Variants in PAK5 observed in about 807,000 individuals in gnomAD.
PAK5 encodes the protein p21 (RAC1) activated kinase 5.
A neutral mutation model predicts 65.9 loss-of-function variants in PAK5; 16 were observed. That is an observed-to-expected ratio of 0.24 (90% CI 0.16 to 0.37). The LOEUF (loss-of-function observed/expected upper bound fraction) is 0.37, where lower values mean the gene tolerates loss of function less well. Among genes scored for constraint, PAK5 ranks in the 10% least tolerant of loss-of-function variants. The pLI, the probability that PAK5 is intolerant of heterozygous loss-of-function variation, is 1.00. For missense variants in PAK5, 785 were observed against 903.9 expected (o/e 0.87, Z 1.69); for synonymous variants, 371 against 354.9 (o/e 1.05, Z -0.51).
chr20:9,634,045 C>A (rs767967986), intron 3 of PAK5, among the ~76,000 whole-genome samples: 2 of 152,060 alleles, frequency 1.3e-5, no homozygotes, highest in African/African-American at 4.8e-5. Flanking sequence ...TTCTAATAAT[C>A]CTTGGCAGGA....
At chr20:9,753,162 G>A (rs1466303801) in intron 1 of PAK5, among the ~76,000 whole-genome samples, 1 of 152,158 alleles carries the variant, frequency 6.6e-6, no homozygotes, top group Admixed American at 6.6e-5. Flanking sequence ...ACGACCTGGA[G>A]ACCAATAAGT....
intron 2 of PAK5, 40 bp from the exon 3 acceptor site, chr20:9,644,379 T>G: frequency 2.2e-6 from 3 of 1,364,186 alleles, no homozygotes; most frequent in Non-Finnish European, 3.1e-6. Flanking sequence ...CATTTATATC[T>G]TGCCAGCAGA....
At chr20:9,717,914 T>C (rs12624927) in intron 1 of PAK5, among the ~76,000 whole-genome samples, 59,002 of 152,044 alleles carry the variant, frequency 0.39, 11,547 homozygotes, top group South Asian at 0.52. Context: ...GCCACAGCGC[T>C]CGGCCGCCAT....
intron 4 of PAK5, among the ~76,000 whole-genome samples, 154 bp downstream of exon 4, chr20:9,579,991 G>A (rs919886784): frequency 7.2e-5 from 11 of 152,086 alleles, no homozygotes; most frequent in African/African-American, 1.9e-4. Flanking sequence ...TCTGCCCTGG[G>A]GCCTCACAAG....
At chr20:9,684,206 A>C (rs6039546) in intron 2 of PAK5, among the ~76,000 whole-genome samples, 83,570 of 152,072 alleles carry the variant, frequency 0.55, 25,492 homozygotes, top group African/African-American at 0.84. Flanking sequence ...TTGTTAGGAG[A>C]ACACTGACTC....
intron 1 of PAK5, among the ~76,000 whole-genome samples, chr20:9,803,921 A>G (rs1372674849): frequency 6.6e-6 from 1 of 152,188 alleles, no homozygotes; most frequent in Non-Finnish European, 1.5e-5. Flanking sequence ...TCTCAGTGGC[A>G]TAAAAGTAAA....
intron 1 of PAK5, among the ~76,000 whole-genome samples, chr20:9,722,806 G>C (rs374848435): frequency 8.5e-4 from 128 of 150,990 alleles, no homozygotes; most frequent in African/African-American, 2.9e-3. Context: ...GCGCCATCTC[G>C]ACTCATTGCA....
intron 3 of PAK5, among the ~76,000 whole-genome samples, chr20:9,617,039 A>G (rs570411165): frequency 1.3e-5 from 2 of 152,366 alleles, no homozygotes; most frequent in East Asian, 1.9e-4. Flanking sequence ...CTGAGTCCAG[A>G]AAAATGCCAA....
At chr20:9,746,503 C>T (rs1319307019) in intron 1 of PAK5, among the ~76,000 whole-genome samples, 1 of 152,104 alleles carries the variant, frequency 6.6e-6, no homozygotes, top group Non-Finnish European at 1.5e-5. Flanking sequence ...TGAATATTGG[C>T]ATATTTGGAC....
rs542755540 is a variant in PAK5 at position 9,817,679 on chromosome 20, G to A, written c.-162+21083C>T. 3.9e-5 allele frequency among the ~76,000 whole-genome samples: 6 copies of A among 152,242 alleles called. 1 individual carries two copies. Among genetic ancestry groups the A allele is most frequent in the Admixed American group, 3.9e-4 (6 of 15,286 alleles). On this transcript the variant is annotated intron_variant, in intron 1 of 9. Transcript: ENST00000353224. ...CCTAATAATATTTTTTTAATGCTTAGGAAATCAGTGCTTAGAGAAACTAAT... is the reference window on the plus strand; with the variant it reads ...CCTAATAATATTTTTTTAATGCTTAAGAAATCAGTGCTTAGAGAAACTAAT...
chr20:9,647,972 T>C (rs1022911309), intron 2 of PAK5, among the ~76,000 whole-genome samples: 2 of 152,180 alleles, frequency 1.3e-5, no homozygotes, highest in Non-Finnish European at 2.9e-5. Context: ...GGACGCCTAG[T>C]AGGGAAGTGA....
At chr20:9,833,340 C>T (rs1156273773) in intron 1 of PAK5, among the ~76,000 whole-genome samples, 2 of 152,150 alleles carry the variant, frequency 1.3e-5, no homozygotes, top group African/African-American at 4.8e-5. Flanking sequence ...TACTACATTG[C>T]TATAATGATT....
intron 1 of PAK5, among the ~76,000 whole-genome samples, chr20:9,796,313 A>G (rs6141038): frequency 0.43 from 65,043 of 151,788 alleles, 14,482 homozygotes; most frequent in Admixed American, 0.5. Flanking sequence ...GGTCCCTCTG[A>G]GGATGTAACT....
At chr20:9,598,982 T>A (rs901981802) in intron 3 of PAK5, among the ~76,000 whole-genome samples, 2 of 152,202 alleles carry the variant, frequency 1.3e-5, no homozygotes, top group African/African-American at 2.4e-5. Context: ...GGAACTTTTT[T>A]TAAATCATCT....
intron 1 of PAK5, among the ~76,000 whole-genome samples, chr20:9,794,925 A>T (rs2049089176): frequency 6.6e-6 from 1 of 151,238 alleles, no homozygotes; most frequent in Non-Finnish European, 1.5e-5. Flanking sequence ...GCACATTTTA[A>T]TTTTTTTTTC....
intron 2 of PAK5, among the ~76,000 whole-genome samples, chr20:9,677,094 G>A (rs55867121): frequency 0.19 from 28,469 of 149,104 alleles, 2,923 homozygotes; most frequent in East Asian, 0.37. Flanking sequence ...TGTGTTTGTT[G>A]TTATAATTAT....
chr20:9,576,862 T>C (rs1360589403), intron 4 of PAK5, among the ~76,000 whole-genome samples: 1 of 152,190 alleles, frequency 6.6e-6, no homozygotes, highest in Non-Finnish European at 1.5e-5. Context: ...CAACAAAACA[T>C]GGCATGTATC....
chr20:9,782,914 C>T (rs1023408052), intron 1 of PAK5, among the ~76,000 whole-genome samples: 4 of 149,542 alleles, frequency 2.7e-5, no homozygotes, highest in Non-Finnish European at 4.4e-5. Flanking sequence ...TTTCTTTTTT[C>T]TCTTTCTTTC....
intron 7 of PAK5, among the ~76,000 whole-genome samples, chr20:9,554,675 C>G (rs921230187): frequency 3.3e-5 from 5 of 152,218 alleles, no homozygotes; most frequent in African/African-American, 4.8e-5. Flanking sequence ...ATAACACACT[C>G]TAAGCCTTTT....
Sources: allele counts gnomAD v4.1 joint callset (sites outside exome capture counted in the v4.1 genomes callset), GRCh38; gene constraint gnomAD v4.1.1; transcripts MANE v1.5; gene names NCBI Gene and HGNC (gene_info 2026-07-23, HGNC 2026-07-21).